Variants in SLCO4C1 observed in about 807,000 individuals in gnomAD.
SLCO4C1 encodes the protein organic anion transporter M1.
SLCO4C1 carries 58 observed loss-of-function variants against 72.1 expected under a neutral mutation model. The ratio of observed to expected loss-of-function variants is 0.80; its 90% CI spans 0.65 to 1.00. The LOEUF is 1.00. SLCO4C1 is among the 50% of genes least tolerant of loss of function. The probability of loss-of-function intolerance (pLI) is 0.00; values close to 1 mark genes in which losing one functional copy is unlikely to be tolerated. For synonymous variants in SLCO4C1, 297 were observed against 312.5 expected, an observed-to-expected ratio of 0.95 and a Z score of 0.52; for missense variants, 898 against 857.9, an observed-to-expected ratio of 1.05 and a Z score of -0.58.
At chr5:102,262,332 T>C (rs1748958675) in intron 4 of SLCO4C1, among the ~76,000 whole-genome samples, 1 of 152,228 alleles carries the variant, frequency 6.6e-6, no homozygotes, top group East Asian at 1.9e-4. Context: ...AACATTCTTT[T>C]AACTTTGGCT....
rs3995237 is a variant in SLCO4C1 at position 102,236,605 on chromosome 5, C to CGTGTGTGTGTGT, written c.*241_*252dup. On this transcript the variant is annotated 3_prime_UTR_variant, in exon 13 of 13. Coordinates refer to ENST00000310954, the MANE Select transcript of SLCO4C1 (RefSeq NM_180991.5). ...GCGTGTGTGTGTGTGTGTGTGTGTT[C>CGTGTGTGTGTGT]GTGTGTGTGTGTGTGTGTGTGCTCG... 1.6e-5 allele frequency: 4 copies of CGTGTGTGTGTGT among 248,938 alleles called. No individual in the cohort carries two copies. Among genetic ancestry groups the CGTGTGTGTGTGT allele is most frequent in the African/African-American group, 1.0e-4 (4 of 38,864 alleles). 15.4% of individuals were successfully genotyped at this position (248,938 alleles called of 1,614,324 possible).
At position 102,255,720 on chromosome 5, in the gene SLCO4C1, G is replaced by A. The variant is rs536033472; in HGVS notation, c.1469+1395C>T. Reference sequence around the variant, plus strand: ...AAACCCCATTTCACTATTATGCTGTGAAGCCCTTCTGGATTCTAATCAAAT... The same window carrying A: ...AAACCCCATTTCACTATTATGCTGTAAAGCCCTTCTGGATTCTAATCAAAT... On this transcript the variant is annotated intron_variant, in intron 8 of 12. Transcript: ENST00000310954. 2.6e-5 allele frequency among the ~76,000 whole-genome samples: 4 copies of A among 152,120 alleles called. No homozygotes were observed. The East Asian group carries it at 7.7e-4, about 29-fold the overall frequency.
chr5:102,239,141 A>C (rs1748490353), intron 12 of SLCO4C1, 110 bp downstream of exon 12: 1 of 974,750 alleles, frequency 1.0e-6, no homozygotes. Flanking sequence ...TGGTTCAACA[A>C]TGTGGACTGA....
In SLCO4C1 at chr5:102,265,977, T is replaced by A. The variant is rs376651571; in HGVS notation, c.803-2197A>T. Among the ~76,000 whole-genome samples, 5 of 152,294 alleles carry A rather than the reference T, an allele frequency of 3.3e-5. No individual in the cohort carries two copies. In the East Asian group the frequency reaches 9.6e-4, roughly 29 times the overall value. On this transcript the variant is annotated intron_variant, in intron 3 of 12. Coordinates refer to ENST00000310954, the MANE Select transcript of SLCO4C1 (RefSeq NM_180991.5). The stretch of plus-strand genomic sequence containing the variant: ...ATGCCTTTCCATTTTTTTTCTGTTT[T>A]CAGTTTCTGTCATCAGTGTTTTGTA...
At chr5:102,280,958 T>A (rs891278925) in intron 2 of SLCO4C1, among the ~76,000 whole-genome samples, 5 of 152,140 alleles carry the variant, frequency 3.3e-5, no homozygotes, top group African/African-American at 7.2e-5. Context: ...TTTGTAGATA[T>A]AGACAAGATT....
intron 2 of SLCO4C1, among the ~76,000 whole-genome samples, chr5:102,271,940 T>C (rs1749160490): frequency 6.6e-6 from 1 of 152,254 alleles, no homozygotes; most frequent in African/African-American, 2.4e-5. Context: ...GGTCATCTTT[T>C]GCAACTCGGG....
At position 102,296,109 on chromosome 5, in the gene SLCO4C1, G is replaced by T. The variant is rs1208921185; in HGVS notation, c.154C>A (p.Pro52Thr). The T allele has an allele frequency of 6.2e-7, 1 of 1,614,172 alleles. No homozygotes were observed. The change falls in exon 1 of 13, where the codon CCC (proline) becomes ACC (threonine). Residue 52 changes from proline (P) to threonine (T), a missense_variant. Transcript: ENST00000310954. The part of the protein sequence containing the change: ...ENSQPQELQK[P>T]QEPQKSPEPS... ...TCTGGTGACTTCTGGGGCTCCTGGG[G>T]CTTCTGAAGCTCCTGTGGCTGAGAA...
intron 8 of SLCO4C1, among the ~76,000 whole-genome samples, chr5:102,250,688 G>T (rs1249901646): frequency 6.6e-6 from 1 of 152,076 alleles, no homozygotes; most frequent in Non-Finnish European, 1.5e-5. Context: ...CCTGAGATGC[G>T]ATTTAAAAAA....
intron 4 of SLCO4C1, among the ~76,000 whole-genome samples, chr5:102,263,042 G>C (rs1350736167): frequency 6.6e-6 from 1 of 152,166 alleles, no homozygotes; most frequent in Non-Finnish European, 1.5e-5. Context: ...AAGTAACTCA[G>C]TGTTGAATTT....
intron 11 of SLCO4C1, 71 bp from the exon 12 acceptor site, chr5:102,239,459 G>A: frequency 9.2e-7 from 1 of 1,081,430 alleles, no homozygotes; most frequent in Non-Finnish European, 1.3e-6. Flanking sequence ...TTTTATACAT[G>A]ATCATACATA....
chr5:102,246,838 C>T (rs1382639478), intron 10 of SLCO4C1, among the ~76,000 whole-genome samples: 1 of 152,036 alleles, frequency 6.6e-6, no homozygotes, highest in Non-Finnish European at 1.5e-5. Context: ...AGGTAATAGC[C>T]AGTTTCTTAT....
intron 3 of SLCO4C1, among the ~76,000 whole-genome samples, chr5:102,267,729 T>C (rs1749069565): frequency 6.6e-6 from 1 of 151,992 alleles, no homozygotes; most frequent in Admixed American, 6.6e-5. Context: ...AATCTATTTT[T>C]ATGATGTAGG....
chr5:102,251,604 A>G (rs1274139087), intron 8 of SLCO4C1, among the ~76,000 whole-genome samples: 1 of 152,142 alleles, frequency 6.6e-6, no homozygotes, highest in Non-Finnish European at 1.5e-5. Flanking sequence ...AAAAAAAAGA[A>G]TGGAAGAGTC....
chr5:102,252,227 G>A (rs10072122), intron 8 of SLCO4C1, among the ~76,000 whole-genome samples: 29,554 of 152,094 alleles, frequency 0.19, 3,720 homozygotes, highest in Non-Finnish European at 0.24. Context: ...CAGTAAATGA[G>A]TGATTTCTGT....
chr5:102,255,099 A>G (rs1047805849), intron 8 of SLCO4C1, among the ~76,000 whole-genome samples: 1 of 152,240 alleles, frequency 6.6e-6, no homozygotes, highest in Non-Finnish European at 1.5e-5. Context: ...ATATACACAC[A>G]CATACATAAA....
intron 10 of SLCO4C1, among the ~76,000 whole-genome samples, chr5:102,245,285 T>C (rs1388327263): frequency 6.6e-6 from 1 of 152,108 alleles, no homozygotes; most frequent in African/African-American, 2.4e-5. Context: ...TCCATTGACC[T>C]GTTGCCAACA....
At chr5:102,253,385 A>G (rs1353146234) in intron 8 of SLCO4C1, among the ~76,000 whole-genome samples, 2 of 152,226 alleles carry the variant, frequency 1.3e-5, no homozygotes, top group Admixed American at 1.3e-4. Flanking sequence ...TAACACAGGC[A>G]CAGAAAACCA....
intron 10 of SLCO4C1, among the ~76,000 whole-genome samples, chr5:102,241,435 A>C (rs1328539831): frequency 6.6e-6 from 1 of 152,212 alleles, no homozygotes; most frequent in Non-Finnish European, 1.5e-5. Context: ...ATAATACAAA[A>C]ATCAGCTGCA....
chr5:102,268,611 T>C (rs545688619), intron 3 of SLCO4C1, among the ~76,000 whole-genome samples: 6 of 152,320 alleles, frequency 3.9e-5, no homozygotes, highest in African/African-American at 1.4e-4. Context: ...GTTGTTATCA[T>C]TGATAATTGT....
Sources: allele counts gnomAD v4.1 joint callset (sites outside exome capture counted in the v4.1 genomes callset), GRCh38; gene constraint gnomAD v4.1.1; transcripts MANE v1.5; gene names NCBI Gene and HGNC (gene_info 2026-07-23, HGNC 2026-07-21).